CEP128: variants seen among roughly 807,000 people sequenced by gnomAD.
CEP128 encodes centrosomal protein 128kDa.
Under a neutral mutation model 156.7 loss-of-function variants are expected in CEP128, and 132 were observed. That is an observed-to-expected ratio of 0.84 (90% CI 0.73 to 0.97). The LOEUF (loss-of-function observed/expected upper bound fraction) is 0.97. CEP128 is among the 50% of genes least tolerant of loss of function. The pLI, the probability that CEP128 is intolerant of heterozygous loss-of-function variation, is 0.00. For synonymous variants in CEP128, 469 were observed against 448.9 expected (o/e 1.04, Z -0.57); for missense variants, 1,252 against 1,281.9 (o/e 0.98, Z 0.36).
chr14:80,915,686 C>T (rs1355360820), intron 3 of CEP128, among the ~76,000 whole-genome samples: 1 of 152,180 alleles, frequency 6.6e-6, no homozygotes, highest in Non-Finnish European at 1.5e-5. Context: ...TAATCTACCT[C>T]ACCAAAACAT....
intron 19 of CEP128, among the ~76,000 whole-genome samples, chr14:80,664,002 A>G (rs1031547867): frequency 6.6e-6 from 1 of 152,174 alleles, no homozygotes; most frequent in Non-Finnish European, 1.5e-5. Context: ...GCAGCCCCCA[A>G]TATAAATATC....
At chr14:80,737,960 A>G (rs903967681) in intron 19 of CEP128, among the ~76,000 whole-genome samples, 1 of 152,236 alleles carries the variant, frequency 6.6e-6, no homozygotes, top group Non-Finnish European at 1.5e-5. Context: ...ATGATATTAC[A>G]TTTAGAAATC....
At chr14:80,572,729 T>G (rs1444820830) in intron 20 of CEP128, among the ~76,000 whole-genome samples, 1 of 152,104 alleles carries the variant, frequency 6.6e-6, no homozygotes, top group Non-Finnish European at 1.5e-5. Context: ...AAACATACAC[T>G]GCTATCTACA....
chr14:80,778,074 A>G (rs1375938676), intron 15 of CEP128, 28 bp from the exon 16 acceptor site: 2 of 1,605,768 alleles, frequency 1.2e-6, no homozygotes, highest in South Asian at 1.1e-5. Context: ...AAAAAACAGA[A>G]AGTCCACTAG....
intron 19 of CEP128, among the ~76,000 whole-genome samples, chr14:80,689,714 G>A (rs1338851959): frequency 6.6e-6 from 1 of 152,054 alleles, no homozygotes; most frequent in Non-Finnish European, 1.5e-5. Context: ...AGACGCACAT[G>A]TATATTTACA....
At chr14:80,731,949 C>T (rs915522796) in intron 19 of CEP128, among the ~76,000 whole-genome samples, 6 of 151,910 alleles carry the variant, frequency 3.9e-5, no homozygotes, top group African/African-American at 1.5e-4. Flanking sequence ...AAAGAACAGA[C>T]CTAAGTGTGT....
intron 2 of CEP128, among the ~76,000 whole-genome samples, chr14:80,957,255 A>G (rs946528439): frequency 2.0e-5 from 3 of 152,224 alleles, no homozygotes; most frequent in South Asian, 2.1e-4. Flanking sequence ...CTCCTGACCC[A>G]TGACCTTCAG....
intron 10 of CEP128, among the ~76,000 whole-genome samples, chr14:80,840,368 C>T (rs1489290013): frequency 1.3e-5 from 2 of 152,134 alleles, no homozygotes; most frequent in African/African-American, 4.8e-5. Context: ...TATTCAGTCT[C>T]CAAATGACAG....
At chr14:80,709,894 TATGAAATGGCAA>T (rs1233765440) in intron 19 of CEP128, among the ~76,000 whole-genome samples, 1 of 152,012 alleles carries the variant, frequency 6.6e-6, no homozygotes, top group Non-Finnish European at 1.5e-5. Context: ...ATAGTTTGCT[TATGAAATGGCAA>T]ATGAGTAAAT....
intron 8 of CEP128, among the ~76,000 whole-genome samples, chr14:80,864,190 T>C (rs1328139871): frequency 2.0e-5 from 3 of 152,224 alleles, no homozygotes; most frequent in African/African-American, 7.2e-5. Context: ...ATAATACATA[T>C]ACAAAATATG....
chr14:80,664,262 G>A (rs576647028), intron 19 of CEP128, among the ~76,000 whole-genome samples: 1 of 152,174 alleles, frequency 6.6e-6, no homozygotes, highest in Non-Finnish European at 1.5e-5. Flanking sequence ...AAGGCCTTCT[G>A]GCAGCGGGTG....
At chr14:80,856,744 T>C (rs1226546605) in intron 9 of CEP128, among the ~76,000 whole-genome samples, 1 of 124,910 alleles carries the variant, frequency 8.0e-6, no homozygotes, top group African/African-American at 3.4e-5. Flanking sequence ...TTTTTTTTTT[T>C]TTTTGAGACA....
At chr14:80,572,256 T>C (rs1487803856) in intron 20 of CEP128, among the ~76,000 whole-genome samples, 2 of 152,196 alleles carry the variant, frequency 1.3e-5, no homozygotes, top group Non-Finnish European at 2.9e-5. Flanking sequence ...GGTGGGGAGA[T>C]GGCCTTAGAA....
intron 2 of CEP128, chr14:80,955,276 T>G: frequency 3.0e-6 from 1 of 337,834 alleles, no homozygotes; most frequent in Non-Finnish European, 5.5e-6. Context: ...GGTGGCTCCT[T>G]GGATTTAAAG....
chr14:80,518,058 A>G (rs1225353454), intron 23 of CEP128, among the ~76,000 whole-genome samples: 1 of 150,888 alleles, frequency 6.6e-6, no homozygotes, highest in Non-Finnish European at 1.5e-5. Flanking sequence ...GTGCAGTTGC[A>G]AGATTCAATA....
chr14:80,496,780 G>A lies in CEP128; in HGVS notation c.*699C>T, dbSNP rs964927333. On this transcript the variant is annotated 3_prime_UTR_variant, in exon 25 of 25. Coordinates refer to ENST00000555265, the MANE Select transcript of CEP128 (RefSeq NM_152446.5). The stretch of plus-strand genomic sequence containing the variant: ...CCAGGATATGACTGAAGTGATCACA[G>A]TAGGATATTTGGCCACAAAAAGACA... The A allele has an allele frequency of 6.6e-6, 1 of 152,190 alleles. No individual in the cohort carries two copies. The highest frequency in any genetic ancestry group is 1.9e-4 in the East Asian group (1 of 5,194). 9.4% of individuals were successfully genotyped at this position (152,190 alleles called of 1,614,324 possible).
chr14:80,758,487 A>C (rs1027224104), intron 17 of CEP128, among the ~76,000 whole-genome samples: 4 of 149,278 alleles, frequency 2.7e-5, no homozygotes, highest in African/African-American at 7.5e-5. Flanking sequence ...GTGCCATTGC[A>C]CTCCAGTCTG....
At chr14:80,829,484 C>T (rs1490398418) in intron 13 of CEP128, among the ~76,000 whole-genome samples, 1 of 152,154 alleles carries the variant, frequency 6.6e-6, no homozygotes, top group Admixed American at 6.5e-5. Flanking sequence ...AATCACAGCT[C>T]GCTGCAGCCT....
At chr14:80,787,395 T>G (rs552588709) in intron 14 of CEP128, among the ~76,000 whole-genome samples, 1 of 152,158 alleles carries the variant, frequency 6.6e-6, no homozygotes, top group African/African-American at 2.4e-5. Flanking sequence ...TCTTCAAAGC[T>G]TGAACAGCTT....
Sources: allele counts gnomAD v4.1 joint callset (sites outside exome capture counted in the v4.1 genomes callset), GRCh38; gene constraint gnomAD v4.1.1; transcripts MANE v1.5; gene names NCBI Gene and HGNC (gene_info 2026-07-23, HGNC 2026-07-21).